Variants in BTAF1 observed in about 807,000 individuals in gnomAD.
BTAF1 encodes the protein TATA-binding protein-associated factor 172.
BTAF1 carries 38 observed loss-of-function variants against 227.1 expected under a neutral mutation model. The observed-to-expected ratio is 0.17, with a 90% CI of 0.13 to 0.22. The LOEUF (loss-of-function observed/expected upper bound fraction) is 0.22, where lower values mean the gene tolerates loss of function less well. Among genes scored for constraint, BTAF1 ranks in the 10% least tolerant of loss-of-function variants. The pLI is 1.00. For synonymous variants in BTAF1, 742 were observed against 751.9 expected (o/e 0.99, Z 0.21); for missense variants, 1,598 against 2,204.0 (o/e 0.73, Z 5.51).
intron 6 of BTAF1, 21 bp from the exon 7 acceptor site, chr10:91,956,507 A>G: frequency 6.3e-7 from 1 of 1,587,064 alleles, no homozygotes; most frequent in East Asian, 2.3e-5. Flanking sequence ...CATTTTCTAA[A>G]TGGTGACTTT....
chr10:91,966,808 T>A, intron 14 of BTAF1, 51 bp downstream of exon 14: 1 of 1,539,978 alleles, frequency 6.5e-7, no homozygotes, highest in South Asian at 1.2e-5. Context: ...ATTAATTTTA[T>A]AAAATAAACC....
At chr10:91,962,320 T>C (rs1250543701) in intron 11 of BTAF1, among the ~76,000 whole-genome samples, 1 of 152,220 alleles carries the variant, frequency 6.6e-6, no homozygotes, top group Non-Finnish European at 1.5e-5. Context: ...TTAGGCGTGG[T>C]ATAGGCTATA....
intron 22 of BTAF1, among the ~76,000 whole-genome samples, chr10:91,994,293 C>G (rs1345106683): frequency 7.0e-6 from 1 of 143,696 alleles, no homozygotes; most frequent in Non-Finnish European, 1.6e-5. Context: ...GAGCGAGACT[C>G]TGTCTCAAAA....
chr10:91,946,646 T>C (rs181577284), intron 4 of BTAF1, among the ~76,000 whole-genome samples: 1 of 152,330 alleles, frequency 6.6e-6, no homozygotes, highest in East Asian at 1.9e-4. Flanking sequence ...TGCATTTCCC[T>C]GATGTCCAAT....
At chr10:91,983,280 G>C (rs1848189265) in intron 18 of BTAF1, among the ~76,000 whole-genome samples, 1 of 152,216 alleles carries the variant, frequency 6.6e-6, no homozygotes, top group Non-Finnish European at 1.5e-5. Flanking sequence ...TTAACTTCTA[G>C]GGAGATGTAT....
At chr10:91,943,458 T>C (rs1474665707) in intron 4 of BTAF1, among the ~76,000 whole-genome samples, 3 of 152,218 alleles carry the variant, frequency 2.0e-5, no homozygotes, top group African/African-American at 7.2e-5. Flanking sequence ...AAATGGATTT[T>C]TGTAAGTAAA....
At chr10:92,026,566 A>T (rs1355528129) in intron 35 of BTAF1, 26 bp from the exon 36 acceptor site, 2 of 1,567,266 alleles carry the variant, frequency 1.3e-6, no homozygotes, top group Non-Finnish European at 1.7e-6. Context: ...GAATGGACTA[A>T]TTTTATTTTT....
At position 92,030,157 on chromosome 10, in the gene BTAF1, TAAC is replaced by T. The variant is rs567482082; in HGVS notation, c.*1228_*1230del. 11 of 152,704 alleles carry T rather than the reference TAAC, an allele frequency of 7.2e-5. No homozygotes were observed. In the South Asian group the frequency reaches 2.3e-3, roughly 32 times the overall value. 9.5% of individuals were successfully genotyped at this position (152,704 alleles called of 1,614,324 possible). ...CTGGCCATACACATAGGCATCAGTT[TAAC>T]AACCATCAGACCTCAGCTGTACAAT... On this transcript the variant is annotated 3_prime_UTR_variant, in exon 38 of 38. Transcript: ENST00000265990.
chr10:91,976,457 T>C (rs959162531), intron 14 of BTAF1, among the ~76,000 whole-genome samples: 1 of 152,146 alleles, frequency 6.6e-6, no homozygotes, highest in East Asian at 1.9e-4. Flanking sequence ...TTTTTAGCCC[T>C]CTAATCACAT....
intron 4 of BTAF1, among the ~76,000 whole-genome samples, chr10:91,949,319 CA>C (rs1332057202): frequency 6.6e-6 from 1 of 152,122 alleles, no homozygotes; most frequent in African/African-American, 2.4e-5. Flanking sequence ...TCTCAAAAAA[CA>C]AACAGAAACC....
intron 26 of BTAF1, among the ~76,000 whole-genome samples, chr10:92,008,517 T>G (rs1400415319): frequency 6.6e-6 from 1 of 151,510 alleles, no homozygotes; most frequent in Non-Finnish European, 1.5e-5. Context: ...CTAGTTTTTT[T>G]TTTTTTTTTT....
chr10:92,008,978 G>T (rs1850125283), intron 27 of BTAF1, 28 bp downstream of exon 27: 1 of 1,611,772 alleles, frequency 6.2e-7, no homozygotes, highest in Admixed American at 1.7e-5. Context: ...TTTAAAATAA[G>T]GTTTCCGGAT....
At chr10:91,927,980 C>CTTTTTTT (rs60105160) in intron 1 of BTAF1, among the ~76,000 whole-genome samples, 18 of 121,536 alleles carry the variant, frequency 1.5e-4, no homozygotes, top group East Asian at 2.4e-4. Flanking sequence ...TGCCTTTTTT[C>CTTTTTTT]TTTTTTTTTT....
chr10:91,967,505 T>G (rs1256250402), intron 14 of BTAF1, among the ~76,000 whole-genome samples: 1 of 152,210 alleles, frequency 6.6e-6, no homozygotes, highest in East Asian at 1.9e-4. Context: ...AGTGAATAAG[T>G]GCCTCTTTTG....
intron 34 of BTAF1, 45 bp from the exon 35 acceptor site, chr10:92,024,711 C>T (rs754203470): frequency 6.8e-6 from 10 of 1,468,152 alleles, no homozygotes; most frequent in Non-Finnish European, 8.3e-6. Context: ...TAGTTTTCTG[C>T]TTTTATTGAA....
At chr10:91,992,543 C>A (rs1848866394) in intron 21 of BTAF1, among the ~76,000 whole-genome samples, 1 of 152,168 alleles carries the variant, frequency 6.6e-6, no homozygotes, top group African/African-American at 2.4e-5. Context: ...GCCTTGTAAA[C>A]TAATTCAGTC....
intron 25 of BTAF1, among the ~76,000 whole-genome samples, chr10:92,005,124 GATT>G (rs1190201596): frequency 6.6e-6 from 1 of 152,120 alleles, no homozygotes; most frequent in Non-Finnish European, 1.5e-5. Flanking sequence ...ATACAGTTTT[GATT>G]ATTATACCTT....
chr10:91,924,782 A>G (rs1015553647), intron 1 of BTAF1, among the ~76,000 whole-genome samples: 2 of 152,202 alleles, frequency 1.3e-5, no homozygotes, highest in African/African-American at 4.8e-5. Flanking sequence ...GTATAGCTAT[A>G]GGAGAAACAT....
intron 4 of BTAF1, among the ~76,000 whole-genome samples, chr10:91,946,638 C>T (rs1045694012): frequency 5.3e-5 from 8 of 152,106 alleles, no homozygotes; most frequent in Non-Finnish European, 8.8e-5. Flanking sequence ...TTTTGATTTG[C>T]ATTTCCCTGA....
Sources: gnomAD v4.1 joint callset for allele counts (sites outside exome capture counted in the v4.1 genomes callset) on GRCh38, gnomAD v4.1.1 for gene constraint, MANE v1.5 for transcripts, NCBI Gene and HGNC (gene_info 2026-07-23, HGNC 2026-07-21) for gene names.